Variants in GALNT13 observed in about 807,000 individuals in gnomAD.
GALNT13 encodes UDP-GalNAc:polypeptide N-acetylgalactosaminyltransferase 13.
GALNT13 carries 28 observed loss-of-function variants against 64.2 expected under a neutral mutation model. That is an observed-to-expected ratio of 0.44 (90% CI 0.32 to 0.60). GALNT13 has a LOEUF of 0.60. GALNT13 is among the 20% of genes least tolerant of loss of function. The pLI is 0.05. For missense variants in GALNT13, 577 were observed against 669.8 expected (o/e 0.86, Z 1.53); for synonymous variants, 214 against 224.6 (o/e 0.95, Z 0.42).
In GALNT13 at chr2:154,256,365, A is replaced by G. The variant is rs570198476; in HGVS notation, c.858-2656A>G. On this transcript the variant is annotated intron_variant, in intron 7 of 12. Coordinates refer to ENST00000392825, the MANE Select transcript of GALNT13 (RefSeq NM_052917.4). ...GGCAGAGCCTTGGAAATGGATTGGA[A>G]GAAGGGAAGAAGAAATTCCTGAAAG... is the stretch of plus-strand genomic sequence containing the variant. Among the ~76,000 whole-genome samples, 7 of 152,348 alleles carry G rather than the reference A, an allele frequency of 4.6e-5. No homozygotes were observed. The South Asian group carries it at 8.3e-4, about 18-fold the overall frequency.
chr2:154,212,004 A>C (rs1346418771), intron 4 of GALNT13, among the ~76,000 whole-genome samples: 1 of 152,148 alleles, frequency 6.6e-6, no homozygotes, highest in Non-Finnish European at 1.5e-5. Flanking sequence ...TGTACCAAAG[A>C]AAAAACTAAA....
chr2:153,687,927 T>C, the GALNT13 span, among the ~76,000 whole-genome samples: 1 of 151,988 alleles, frequency 6.6e-6, no homozygotes, highest in Non-Finnish European at 1.5e-5. Flanking sequence ...TTTATGAAAA[T>C]TAATAATATT....
At chr2:154,066,584 A>C (rs1700476419) in intron 3 of GALNT13, among the ~76,000 whole-genome samples, 1 of 152,144 alleles carries the variant, frequency 6.6e-6, no homozygotes, top group Admixed American at 6.6e-5. Flanking sequence ...GACATATTTA[A>C]AGTGCTGAAG....
chr2:153,709,072 G>A, the GALNT13 span, among the ~76,000 whole-genome samples: 41 of 152,048 alleles, frequency 2.7e-4, no homozygotes, highest in East Asian at 7.0e-3. Context: ...ATTGGTCTGC[G>A]CAATAATTTT....
chr2:153,145,005 A>G, the GALNT13 span, among the ~76,000 whole-genome samples: 1 of 151,976 alleles, frequency 6.6e-6, no homozygotes, highest in Admixed American at 6.6e-5. Flanking sequence ...ATAATTAATG[A>G]TAGTCACTAG....
intron 3 of GALNT13, among the ~76,000 whole-genome samples, chr2:153,982,467 G>T (rs900987173): frequency 7.2e-5 from 11 of 152,022 alleles, no homozygotes; most frequent in African/African-American, 2.7e-4. Flanking sequence ...TGCAAATTTT[G>T]TTATAAGTTG....
chr2:154,145,357 G>A (rs1683533383), intron 4 of GALNT13, among the ~76,000 whole-genome samples: 1 of 151,652 alleles, frequency 6.6e-6, no homozygotes, highest in Non-Finnish European at 1.5e-5. Context: ...ATGGGGCTAA[G>A]ATTTGTAAAT....
the GALNT13 span, among the ~76,000 whole-genome samples, chr2:153,323,978 T>C: frequency 6.6e-6 from 1 of 152,238 alleles, no homozygotes; most frequent in African/African-American, 2.4e-5. Context: ...ACAGTCTCTT[T>C]TTTGGTTCCA....
At chr2:153,632,612 A>G in the GALNT13 span, among the ~76,000 whole-genome samples, 1,077 of 152,292 alleles carry the variant, frequency 7.1e-3, 6 homozygotes, top group Non-Finnish European at 0.01. Context: ...CCTTTTTTAT[A>G]AAATAAAACA....
chr2:153,448,662 G>T, the GALNT13 span, among the ~76,000 whole-genome samples: 1 of 151,834 alleles, frequency 6.6e-6, no homozygotes, highest in Non-Finnish European at 1.5e-5. Flanking sequence ...CAGATTAAAA[G>T]AATACCATGA....
the GALNT13 span, among the ~76,000 whole-genome samples, chr2:153,339,817 G>A: frequency 4.6e-5 from 7 of 151,980 alleles, no homozygotes; most frequent in Non-Finnish European, 8.8e-5. Flanking sequence ...TTTTTTGCAC[G>A]TAAATATCCA....
At chr2:153,395,752 T>C in the GALNT13 span, among the ~76,000 whole-genome samples, 9 of 152,228 alleles carry the variant, frequency 5.9e-5, no homozygotes, top group African/African-American at 1.7e-4. Context: ...GTGATGAATA[T>C]TTCAGGGAAG....
chr2:153,624,459 T>C, the GALNT13 span, among the ~76,000 whole-genome samples: 1 of 152,070 alleles, frequency 6.6e-6, no homozygotes, highest in Non-Finnish European at 1.5e-5. Context: ...AACAGAATAT[T>C]TGAAGGAGAT....
the GALNT13 span, among the ~76,000 whole-genome samples, chr2:153,364,191 C>T: frequency 6.6e-6 from 1 of 152,118 alleles, no homozygotes; most frequent in African/African-American, 2.4e-5. Context: ...TTCAACATCC[C>T]TTTATGTTAA....
At chr2:153,437,544 C>G in the GALNT13 span, among the ~76,000 whole-genome samples, 39 of 152,248 alleles carry the variant, frequency 2.6e-4, no homozygotes, top group African/African-American at 8.4e-4. Context: ...GGATAGTTAG[C>G]TCTTCTTGTT....
chr2:153,360,901 C>A, the GALNT13 span, among the ~76,000 whole-genome samples: 2 of 152,170 alleles, frequency 1.3e-5, no homozygotes, highest in African/African-American at 4.8e-5. Context: ...GCTTTTGCTC[C>A]CTTTGCCACC....
the GALNT13 span, among the ~76,000 whole-genome samples, chr2:153,707,681 T>C: frequency 6.6e-6 from 1 of 152,204 alleles, no homozygotes; most frequent in East Asian, 1.9e-4. Flanking sequence ...CCACTTCTTA[T>C]CATCTGCAAG....
At chr2:154,017,113 A>T (rs1697062140) in intron 3 of GALNT13, among the ~76,000 whole-genome samples, 1 of 152,206 alleles carries the variant, frequency 6.6e-6, no homozygotes. Context: ...CAGAGTATCC[A>T]CAGGGAGCTG....
chr2:154,124,191 A>C (rs141916553), intron 3 of GALNT13, among the ~76,000 whole-genome samples: 493 of 152,108 alleles, frequency 3.2e-3, no homozygotes, highest in Middle Eastern at 6.8e-3. Context: ...CATTCAGATG[A>C]GACCAATCTG....
Sources: gnomAD v4.1 joint callset for allele counts (sites outside exome capture counted in the v4.1 genomes callset) on GRCh38, gnomAD v4.1.1 for gene constraint, MANE v1.5 for transcripts, NCBI Gene and HGNC (gene_info 2026-07-23, HGNC 2026-07-21) for gene names.